Variants in SPPL3 observed in about 807,000 individuals in gnomAD.
SPPL3 encodes signal peptide peptidase like 3.
Under a neutral mutation model 42.4 loss-of-function variants are expected in SPPL3, and 5 were observed. The observed-to-expected ratio is 0.12, with a 90% CI of 0.06 to 0.25. SPPL3 has a LOEUF of 0.25. Ranked by LOEUF, SPPL3 falls within the 10% of genes least tolerant of loss-of-function variation. The probability of loss-of-function intolerance (pLI) is 1.00; values close to 1 mark genes in which losing one functional copy is unlikely to be tolerated. For missense variants in SPPL3, 235 were observed against 489.0 expected (o/e 0.48, Z 4.90); for synonymous variants, 195 against 181.8 (o/e 1.07, Z -0.58).
At chr12:120,879,414 A>G (rs1873213722) in intron 1 of SPPL3, among the ~76,000 whole-genome samples, 1 of 152,118 alleles carries the variant, frequency 6.6e-6, no homozygotes, top group Non-Finnish European at 1.5e-5. Context: ...AGAAAATAGA[A>G]TGCAACTGTG....
At chr12:120,845,169 A>C (rs1387009102) in intron 1 of SPPL3, 1 of 465,150 alleles carries the variant, frequency 2.1e-6, no homozygotes, top group Non-Finnish European at 4.3e-6. Flanking sequence ...GCCCGTCGCC[A>C]CTGGTGGCAC....
intron 1 of SPPL3, among the ~76,000 whole-genome samples, chr12:120,825,972 ACACT>A (rs1871219468): frequency 1.1e-5 from 1 of 93,438 alleles, no homozygotes; most frequent in Non-Finnish European, 3.2e-5. Context: ...CTCTGGTGAC[ACACT>A]CACTGGTCAA....
intron 6 of SPPL3, among the ~76,000 whole-genome samples, chr12:120,782,084 G>A (rs143582901): frequency 1.2e-4 from 18 of 151,622 alleles, no homozygotes; most frequent in African/African-American, 3.6e-4. Flanking sequence ...TGTCCAGACT[G>A]GTCTTGAACT....
At position 120,871,130 on chromosome 12, in the gene SPPL3, C is replaced by CAAAAAA. The variant is rs71453512; in HGVS notation, c.23+32709_23+32714dup. ...GGGCGACAGAGTGAGACTCCGTCTC[C>CAAAAAA]AAAAAAAAAAAAAAAAAAAGAAAAA... On this transcript the variant is annotated intron_variant, in intron 1 of 10. Transcript: ENST00000353487. Among the ~76,000 whole-genome samples, 246 of 51,626 alleles carry CAAAAAA rather than the reference C, an allele frequency of 4.8e-3. 23 individuals are homozygous for CAAAAAA. Among genetic ancestry groups the CAAAAAA allele is most frequent in the Middle Eastern group, 0.016 (1 of 62 alleles). The allele number at this position is 51,626 out of a possible 152,430, so 33.9% of individuals were successfully genotyped here. A position where few individuals can be genotyped will look rare whatever the true frequency, so the allele number is the denominator to read the frequency against.
chr12:120,807,546 T>C (rs1290311797), intron 2 of SPPL3, among the ~76,000 whole-genome samples: 1 of 151,832 alleles, frequency 6.6e-6, no homozygotes, highest in Non-Finnish European at 1.5e-5. Context: ...TGGTGGCATA[T>C]GCCTGTAATC....
rs1868767792 is a variant in SPPL3, at chr12:120,763,891, A to AAAAT, written c.*1104_*1107dup. On this transcript the variant is annotated 3_prime_UTR_variant, in exon 11 of 11. Transcript: ENST00000353487. ...AAAATGTCAAAAAAAAAAATACAAA[A>AAAAT]AAATAGAAAATAGAAAAATGTATTT... The AAAAT allele has an allele frequency of 6.6e-6, 1 of 152,410 alleles. No homozygotes were observed. The highest frequency in any genetic ancestry group is 1.5e-5 in the Non-Finnish European group (1 of 67,988). 9.4% of individuals were successfully genotyped at this position (152,410 alleles called of 1,614,324 possible).
intron 6 of SPPL3, among the ~76,000 whole-genome samples, chr12:120,778,906 T>C (rs146753130): frequency 1.1e-4 from 17 of 152,320 alleles, no homozygotes; most frequent in African/African-American, 4.1e-4. Context: ...CAATCATTTT[T>C]GTCAAATTCT....
At chr12:120,767,237 A>G (rs959817632) in intron 9 of SPPL3, among the ~76,000 whole-genome samples, 157 bp downstream of exon 9, 12 of 152,202 alleles carry the variant, frequency 7.9e-5, no homozygotes, top group Admixed American at 3.3e-4. Context: ...CCAGTACACA[A>G]AACACTTAGC....
At chr12:120,854,864 T>C (rs923074240) in intron 1 of SPPL3, among the ~76,000 whole-genome samples, 1 of 152,188 alleles carries the variant, frequency 6.6e-6, no homozygotes, top group African/African-American at 2.4e-5. Flanking sequence ...CAAAACCTGC[T>C]CAACTGAGGA....
At chr12:120,834,459 A>G (rs1042827162) in intron 1 of SPPL3, among the ~76,000 whole-genome samples, 3 of 152,106 alleles carry the variant, frequency 2.0e-5, no homozygotes, top group African/African-American at 7.2e-5. Flanking sequence ...TGCCCAGAAG[A>G]GAGATAGGCC....
intron 1 of SPPL3, among the ~76,000 whole-genome samples, chr12:120,889,545 G>A (rs1030493003): frequency 6.6e-6 from 1 of 152,206 alleles, no homozygotes; most frequent in African/African-American, 2.4e-5. Context: ...TCCCCTATGT[G>A]GCTGCTGCCC....
intron 2 of SPPL3, among the ~76,000 whole-genome samples, chr12:120,802,197 A>G (rs903500264): frequency 6.6e-5 from 10 of 152,068 alleles, no homozygotes; most frequent in African/African-American, 2.2e-4. Flanking sequence ...GCCTCAGGAC[A>G]AGGGGAAACA....
intron 6 of SPPL3, among the ~76,000 whole-genome samples, chr12:120,780,758 C>A (rs369309925): frequency 0.025 from 3,595 of 145,064 alleles, 70 homozygotes; most frequent in South Asian, 0.054. Flanking sequence ...AAAAACAAAA[C>A]AAAAATTAGC....
In SPPL3 at chr12:120,783,760, A is replaced by C; in HGVS notation, c.311-8T>G. The stretch of plus-strand genomic sequence containing the variant: ...AAGCTATCGTTGCAAGAACTAGAGA[A>C]AGAAAAGGTATAATTTTTTAAAACA... On this transcript the variant is annotated splice_region_variant and splice_polypyrimidine_tract_variant and intron_variant, in intron 4 of 10. Coordinates refer to ENST00000353487, the MANE Select transcript of SPPL3 (RefSeq NM_139015.5). 1 of 1,612,366 alleles carries C rather than the reference A, an allele frequency of 6.2e-7. No individual in the cohort carries two copies. Among genetic ancestry groups the C allele is most frequent in the Non-Finnish European group, 8.5e-7 (1 of 1,179,002 alleles).
At chr12:120,897,755 A>G (rs943499036) in intron 1 of SPPL3, among the ~76,000 whole-genome samples, 8 of 152,184 alleles carry the variant, frequency 5.3e-5, no homozygotes, top group Non-Finnish European at 8.8e-5. Context: ...CAAATCTTCT[A>G]AAGTCTATAA....
At chr12:120,774,979 C>T (rs73227042) in intron 6 of SPPL3, among the ~76,000 whole-genome samples, 2,529 of 152,160 alleles carry the variant, frequency 0.017, 29 homozygotes, top group Non-Finnish European at 0.025. Context: ...ATTACATTGT[C>T]TTCTACAACC....
At chr12:120,903,573 C>T (rs1481513664) in intron 1 of SPPL3, 7 of 438,760 alleles carry the variant, frequency 1.6e-5, no homozygotes, top group Non-Finnish European at 2.5e-5. Flanking sequence ...TCATGCTCCC[C>T]TTCTCCATCA....
chr12:120,823,874 C>T (rs1871155372), intron 1 of SPPL3, among the ~76,000 whole-genome samples: 1 of 130,336 alleles, frequency 7.7e-6, no homozygotes, highest in African/African-American at 2.5e-5. Flanking sequence ...ATCACAAAGA[C>T]ATTTTTTTTT....
intron 1 of SPPL3, among the ~76,000 whole-genome samples, chr12:120,870,302 G>A (rs551966899): frequency 0.042 from 6,336 of 151,924 alleles, 181 homozygotes; most frequent in South Asian, 0.12. Flanking sequence ...AAAATTAGCT[G>A]GTCGTGGTGG....
Sources: allele counts gnomAD v4.1 joint callset (sites outside exome capture counted in the v4.1 genomes callset), GRCh38; gene constraint gnomAD v4.1.1; transcripts MANE v1.5; gene names NCBI Gene and HGNC (gene_info 2026-07-23, HGNC 2026-07-21).